The following PHACTR1 variants were observed in gnomAD, a reference collection of about 807,000 sequenced individuals.
PHACTR1 encodes the protein RPEL repeat containing 1.
PHACTR1 carries 16 observed loss-of-function variants against 69.2 expected under a neutral mutation model. The observed-to-expected ratio is 0.23, with a 90% CI of 0.16 to 0.35. The LOEUF is 0.35. Among genes scored for constraint, PHACTR1 ranks in the 10% least tolerant of loss-of-function variants. The pLI, the probability that PHACTR1 is intolerant of heterozygous loss-of-function variation, is 1.00. For synonymous variants in PHACTR1, 312 were observed against 284.5 expected, an observed-to-expected ratio of 1.10 and a Z score of -0.97; for missense variants, 510 against 734.7, an observed-to-expected ratio of 0.69 and a Z score of 3.54.
rs565288631 is a variant in PHACTR1, at chr6:12,758,273, T to A, written c.250+8483T>A. Among the ~76,000 whole-genome samples, 9 of 151,332 alleles carry A rather than the reference T, an allele frequency of 5.9e-5. No individual in the cohort carries two copies. The East Asian group carries it at 1.2e-3, about 20-fold the overall frequency. On this transcript the variant is annotated intron_variant, in intron 4 of 14. Coordinates refer to ENST00000332995, the MANE Select transcript of PHACTR1 (RefSeq NM_030948.6). ...GCCTGACCAACATGGTGAAACTCAGTCTCTACTAAAAATCCAAAAGTTAGC... is the reference window on the plus strand; with the variant it reads ...GCCTGACCAACATGGTGAAACTCAGACTCTACTAAAAATCCAAAAGTTAGC...
intron 4 of PHACTR1, among the ~76,000 whole-genome samples, chr6:12,895,016 C>T (rs182885843): frequency 6.6e-6 from 1 of 152,198 alleles, no homozygotes; most frequent in African/African-American, 2.4e-5. Flanking sequence ...CTGTTTGGCA[C>T]ACCAGGGTTT....
At chr6:12,747,582 C>T (rs1219928110) in intron 3 of PHACTR1, among the ~76,000 whole-genome samples, 2 of 152,042 alleles carry the variant, frequency 1.3e-5, no homozygotes, top group Non-Finnish European at 1.5e-5. Flanking sequence ...GGGAGGATTG[C>T]TTGAGCCCAA....
chr6:13,152,197 G>A (rs1824417013), intron 5 of PHACTR1, among the ~76,000 whole-genome samples: 1 of 152,108 alleles, frequency 6.6e-6, no homozygotes, highest in Non-Finnish European at 1.5e-5. Flanking sequence ...AGCCAGGCGT[G>A]GTGGTGGGTG....
intron 4 of PHACTR1, among the ~76,000 whole-genome samples, chr6:12,851,352 G>C (rs947148648): frequency 3.3e-5 from 5 of 152,172 alleles, no homozygotes; most frequent in Non-Finnish European, 1.5e-5. Context: ...GGAATGCAAG[G>C]AAATGCAGTG....
chr6:12,865,661 G>C (rs1356457450), intron 4 of PHACTR1, among the ~76,000 whole-genome samples: 1 of 152,148 alleles, frequency 6.6e-6, no homozygotes, highest in East Asian at 1.9e-4. Flanking sequence ...CTGCTTATTA[G>C]AACCATTCAA....
chr6:12,748,920 C>T (rs1330782331), intron 3 of PHACTR1, among the ~76,000 whole-genome samples: 2 of 152,202 alleles, frequency 1.3e-5, no homozygotes, highest in African/African-American at 4.8e-5. Context: ...GACATTTTTC[C>T]TCCACTCCCC....
Position 13,238,992 on chromosome 6 carries a change from G to A in PHACTR1, c.1391+8799G>A, listed in dbSNP as rs145561275. On this transcript the variant is annotated intron_variant, in intron 10 of 14. Transcript: ENST00000332995. ...GTAGGCCTAGCCCTTGAGGTTGTGC[G>A]CCATTATCATCACCATCATCATCCT... is the stretch of plus-strand genomic sequence containing the variant. Among the ~76,000 whole-genome samples the A allele has an allele frequency of 2.4e-3, 365 of 152,254 alleles. 3 individuals carry two copies. Among genetic ancestry groups the A allele is most frequent in the Middle Eastern group, 0.01 (3 of 294 alleles).
chr6:12,824,327 T>C (rs184126881), intron 4 of PHACTR1, among the ~76,000 whole-genome samples: 1 of 152,324 alleles, frequency 6.6e-6, no homozygotes, highest in Non-Finnish European at 1.5e-5. Flanking sequence ...GTATAATTAT[T>C]TCATTATATA....
At chr6:13,001,162 G>A (rs1179732123) in intron 4 of PHACTR1, among the ~76,000 whole-genome samples, 1 of 152,200 alleles carries the variant, frequency 6.6e-6, no homozygotes, top group Admixed American at 6.5e-5. Flanking sequence ...GATAAATAAA[G>A]ACAGGTGTTT....
chr6:12,863,985 A>G (rs751005633), intron 4 of PHACTR1, among the ~76,000 whole-genome samples: 1 of 152,182 alleles, frequency 6.6e-6, no homozygotes, highest in Non-Finnish European at 1.5e-5. Context: ...TTCGAGTTTC[A>G]TGCACCGACA....
At chr6:13,052,129 T>C (rs949362907) in intron 4 of PHACTR1, among the ~76,000 whole-genome samples, 1 of 152,256 alleles carries the variant, frequency 6.6e-6, no homozygotes, top group East Asian at 1.9e-4. Context: ...CTTTTGACTT[T>C]ACTTCTGACG....
intron 4 of PHACTR1, among the ~76,000 whole-genome samples, chr6:12,831,509 A>G (rs1386302639): frequency 6.6e-6 from 1 of 151,750 alleles, no homozygotes; most frequent in Non-Finnish European, 1.5e-5. Context: ...TTGGATAGAA[A>G]GACCTACAGC....
chr6:12,897,881 C>G (rs1266487515), intron 4 of PHACTR1, among the ~76,000 whole-genome samples: 1 of 152,106 alleles, frequency 6.6e-6, no homozygotes, highest in Non-Finnish European at 1.5e-5. Flanking sequence ...CACCCTCCAA[C>G]AGGCCCTGGT....
chr6:13,168,493 C>T (rs1760135201), intron 6 of PHACTR1, among the ~76,000 whole-genome samples: 1 of 152,188 alleles, frequency 6.6e-6, no homozygotes, highest in Non-Finnish European at 1.5e-5. Context: ...GTGTTTCAGG[C>T]ACCATCCTGG....
rs1230066006 is a variant in PHACTR1, at chr6:13,246,018, T to C, written c.1391+15825T>C. ...CTTAATTTTACAGGTAAATGGCTGA[T>C]AGAGGCTACACTACTAGCCAAGTTC... On this transcript the variant is annotated intron_variant, in intron 10 of 14. Transcript: ENST00000332995. The surrounding 1 kb of genome is among the most constrained non-coding windows in gnomAD (Gnocchi z 4.2). 6.6e-6 allele frequency among the ~76,000 whole-genome samples: 1 copy of C among 152,208 alleles called. No individual in the cohort carries two copies.
chr6:13,247,153 C>T (rs1189603589), intron 10 of PHACTR1, among the ~76,000 whole-genome samples: 1 of 152,154 alleles, frequency 6.6e-6, no homozygotes, highest in Admixed American at 6.5e-5. Flanking sequence ...TCAAAATGGG[C>T]AGCCTCTTTA....
intron 4 of PHACTR1, among the ~76,000 whole-genome samples, chr6:12,964,577 G>T (rs780634334): frequency 9.9e-5 from 15 of 152,128 alleles, no homozygotes; most frequent in Non-Finnish European, 1.9e-4. Flanking sequence ...GAACGAGAGG[G>T]TAGAGAGAAA....
chr6:13,208,143 A>G (rs1398806781), intron 8 of PHACTR1, among the ~76,000 whole-genome samples: 1 of 152,146 alleles, frequency 6.6e-6, no homozygotes, highest in African/African-American at 2.4e-5. Flanking sequence ...TTACACATAC[A>G]CATTGTCATC....
chr6:13,191,618 C>T (rs1237685582), intron 7 of PHACTR1, among the ~76,000 whole-genome samples: 2 of 152,120 alleles, frequency 1.3e-5, no homozygotes, highest in Non-Finnish European at 2.9e-5. Context: ...AATAATGCAT[C>T]CTGGGGTGGA....
Sources: gnomAD v4.1 joint callset for allele counts (sites outside exome capture counted in the v4.1 genomes callset) on GRCh38, gnomAD v4.1.1 for gene constraint, Gnocchi (gnomAD v3.1) non-coding constraint, MANE v1.5 for transcripts, NCBI Gene and HGNC (gene_info 2026-07-23, HGNC 2026-07-21) for gene names.